The following GARRE1 variants were observed in gnomAD, a reference collection of about 807,000 sequenced individuals.
GARRE1 encodes granule associated Rac and RHOG effector 1.
GARRE1 carries 49 observed loss-of-function variants against 103.2 expected under a neutral mutation model. That is an observed-to-expected ratio of 0.47 (90% CI 0.38 to 0.60). The LOEUF (loss-of-function observed/expected upper bound fraction) is 0.60, where lower values mean the gene tolerates loss of function less well. Ranked by LOEUF, GARRE1 falls within the 20% of genes least tolerant of loss-of-function variation. GARRE1 has a pLI of 0.00. For missense variants in GARRE1, 1,199 were observed against 1,370.5 expected (o/e 0.87, Z 1.98); for synonymous variants, 505 against 532.8 (o/e 0.95, Z 0.72).
At chr19:34,352,286 G>A (rs2074241899) in intron 13 of GARRE1, among the ~76,000 whole-genome samples, 2 of 150,962 alleles carry the variant, frequency 1.3e-5, no homozygotes, top group Non-Finnish European at 2.9e-5. Flanking sequence ...CTTGTAATCC[G>A]AGCTACTCAG....
At chr19:34,290,392 C>G (rs1458947264) in intron 1 of GARRE1, among the ~76,000 whole-genome samples, 1 of 151,994 alleles carries the variant, frequency 6.6e-6, no homozygotes, top group African/African-American at 2.4e-5. Context: ...ATTTAATATT[C>G]CTAATGTACC....
intron 10 of GARRE1, among the ~76,000 whole-genome samples, chr19:34,345,516 G>A (rs1350889511): frequency 6.6e-6 from 1 of 152,158 alleles, no homozygotes; most frequent in African/African-American, 2.4e-5. Flanking sequence ...AACAGTATTT[G>A]TCAGAATTGT....
At chr19:34,289,148 A>T (rs2073903417) in intron 1 of GARRE1, among the ~76,000 whole-genome samples, 1 of 150,906 alleles carries the variant, frequency 6.6e-6, no homozygotes, top group Non-Finnish European at 1.5e-5. Context: ...ACAAAAAGTA[A>T]ATCTGGTTGG....
At chr19:34,328,952 G>C (rs2074125296) in intron 6 of GARRE1, among the ~76,000 whole-genome samples, 1 of 152,036 alleles carries the variant, frequency 6.6e-6, no homozygotes, top group Non-Finnish European at 1.5e-5. Context: ...TAACAGAAAG[G>C]GTTTGAAAGT....
chr19:34,321,047 ATTCTT>A (rs1202614817), intron 3 of GARRE1, among the ~76,000 whole-genome samples: 12 of 82,044 alleles, frequency 1.5e-4, no homozygotes, highest in African/African-American at 4.5e-4. Flanking sequence ...CCCAGACAAG[ATTCTT>A]TTTTTTTTTT....
intron 2 of GARRE1, among the ~76,000 whole-genome samples, chr19:34,305,014 G>T (rs1337738249): frequency 6.6e-6 from 1 of 151,882 alleles, no homozygotes; most frequent in Non-Finnish European, 1.5e-5. Flanking sequence ...GGATGGTCTT[G>T]ATCTCCTGAC....
intron 1 of GARRE1, among the ~76,000 whole-genome samples, chr19:34,257,234 A>G (rs943352803): frequency 4.6e-5 from 7 of 151,878 alleles, no homozygotes; most frequent in Non-Finnish European, 2.9e-5. Context: ...TTGAAAACCT[A>G]TAGCCTAATA....
At position 34,333,686 on chromosome 19, in the gene GARRE1, T is replaced by TG. The variant is rs1421940541; in HGVS notation, c.1264-18_1264-17insG. ...AAGCTGGTTGTTATTTGTTTTTTTT[T>TG]TTTTTTTTCGATCTTAGGTGGTGGT... On this transcript the variant is annotated splice_polypyrimidine_tract_variant and intron_variant, in intron 7 of 13. Transcript: ENST00000299505. The TG allele has an allele frequency of 7.9e-7, 1 of 1,271,986 alleles. No individual in the cohort carries two copies. 78.8% of individuals were successfully genotyped at this position (1,271,986 alleles called of 1,614,324 possible).
intron 11 of GARRE1, chr19:34,348,637 G>A (rs570734519): frequency 6.3e-6 from 1 of 157,662 alleles, no homozygotes; most frequent in East Asian, 1.8e-4. Flanking sequence ...AAGTTCAGGG[G>A]TACATGTGCA....
At chr19:34,346,806 C>CG (rs1390486672) in intron 10 of GARRE1, among the ~76,000 whole-genome samples, 1 of 152,008 alleles carries the variant, frequency 6.6e-6, no homozygotes, top group Non-Finnish European at 1.5e-5. Flanking sequence ...TTAGTAGAGA[C>CG]GGGGTTTCAC....
At chr19:34,281,923 C>T (rs77581799) in intron 1 of GARRE1, among the ~76,000 whole-genome samples, 4,690 of 152,168 alleles carry the variant, frequency 0.031, 238 homozygotes, top group African/African-American at 0.11. Flanking sequence ...TCCTCCTTGT[C>T]TTTGTTCTTC....
At chr19:34,265,175 C>A (rs948108747) in intron 1 of GARRE1, among the ~76,000 whole-genome samples, 4 of 152,082 alleles carry the variant, frequency 2.6e-5, no homozygotes, top group Admixed American at 2.0e-4. Context: ...CTAATTATGG[C>A]CAGGAAACCT....
Position 34,258,426 on chromosome 19 carries a change from TC to T in GARRE1, c.-796+3813del, listed in dbSNP as rs1326100496. 3.9e-5 allele frequency among the ~76,000 whole-genome samples: 6 copies of T among 152,202 alleles called. No individual in the cohort carries two copies. The South Asian group carries it at 1.2e-3, about 32-fold the overall frequency. ...GACTCAGAGTTTTCTGCAGGTCAAT[TC>T]TTTTTCTCCTGTTCAGTAACCCCTG... is the stretch of plus-strand genomic sequence containing the variant. On this transcript the variant is annotated intron_variant, in intron 1 of 13. Coordinates refer to ENST00000299505, the MANE Select transcript of GARRE1 (RefSeq NM_014686.5).
chr19:34,327,770 G>T lies in GARRE1; in HGVS notation c.847-1G>T. The T allele has an allele frequency of 6.2e-7, 1 of 1,608,476 alleles. No individual in the cohort carries two copies. Among genetic ancestry groups the T allele is most frequent in the African/African-American group, 1.3e-5 (1 of 74,728 alleles). On this transcript the variant is annotated splice_acceptor_variant, in intron 4 of 13. Coordinates refer to ENST00000299505, the MANE Select transcript of GARRE1 (RefSeq NM_014686.5). LOFTEE classifies it high-confidence loss of function. ...GATTGTTAAAAATAATTTATTTCCAGGCATATAAGATAGCTCTGGAAAGCT... is the reference window on the plus strand; with the variant it reads ...GATTGTTAAAAATAATTTATTTCCATGCATATAAGATAGCTCTGGAAAGCT...
chr19:34,291,076 T>G (rs1475966546), intron 1 of GARRE1, among the ~76,000 whole-genome samples: 1 of 151,768 alleles, frequency 6.6e-6, no homozygotes, highest in African/African-American at 2.4e-5. Context: ...CCGACTAATT[T>G]TTGTATTTTT....
chr19:34,256,259 C>G (rs1469536692), intron 1 of GARRE1, among the ~76,000 whole-genome samples: 1 of 151,830 alleles, frequency 6.6e-6, no homozygotes, highest in African/African-American at 2.4e-5. Flanking sequence ...TGCCTGTAAT[C>G]CCAGCACTTT....
At position 34,353,830 on chromosome 19, in the gene GARRE1, A is replaced by T. The variant is rs962146981; in HGVS notation, c.*875A>T. 1.3e-5 allele frequency: 2 copies of T among 152,456 alleles called. No homozygotes were observed. Among genetic ancestry groups the T allele is most frequent in the Admixed American group, 1.3e-4 (2 of 15,280 alleles). 9.4% of individuals were successfully genotyped at this position (152,456 alleles called of 1,614,324 possible). The stretch of plus-strand genomic sequence containing the variant: ...CGGGGTGTGGTCAAGGGGCACTCAG[A>T]GACACCTGCACTAGAAATTGCATTG... On this transcript the variant is annotated 3_prime_UTR_variant, in exon 14 of 14. Transcript: ENST00000299505.
At chr19:34,349,949 C>G (rs1315143921) in intron 12 of GARRE1, among the ~76,000 whole-genome samples, 2 of 152,124 alleles carry the variant, frequency 1.3e-5, no homozygotes, top group Non-Finnish European at 2.9e-5. Context: ...GTCCCAGCTA[C>G]TCGGGAGGCT....
intron 3 of GARRE1, 89 bp from the exon 4 acceptor site, chr19:34,327,332 G>A (rs766264786): frequency 3.1e-5 from 37 of 1,189,114 alleles, no homozygotes; most frequent in Non-Finnish European, 4.4e-5. Flanking sequence ...TTTACTTGAG[G>A]GGGTTTTTCT....
Sources: allele counts gnomAD v4.1 joint callset (sites outside exome capture counted in the v4.1 genomes callset), GRCh38; gene constraint gnomAD v4.1.1; transcripts MANE v1.5; gene names NCBI Gene and HGNC (gene_info 2026-07-23, HGNC 2026-07-21).